The following ME1 variants were observed in gnomAD, a reference collection of about 807,000 sequenced individuals.
ME1 encodes the protein NADP-dependent malic enzyme.
Under a neutral mutation model 66.4 loss-of-function variants are expected in ME1, and 74 were observed. The observed-to-expected ratio is 1.11, with a 90% confidence interval of 0.92 to 1.35. The LOEUF is 1.35. Ranked by LOEUF, ME1 falls within the 40% of genes most tolerant of loss-of-function variation. The pLI, the probability that ME1 is intolerant of heterozygous loss-of-function variation, is 0.00. For missense variants in ME1, 750 were observed against 694.1 expected, an observed-to-expected ratio of 1.08 and a Z score of -0.90; for synonymous variants, 251 against 235.6, an observed-to-expected ratio of 1.07 and a Z score of -0.60.
rs1325948256 is a variant in ME1, at chr6:83,317,686, T to C, written c.601-2273A>G. On this transcript the variant is annotated intron_variant, in intron 5 of 13. Coordinates refer to ENST00000369705, the MANE Select transcript of ME1 (RefSeq NM_002395.6). ...TCTCCTGCCTAATTGCCCTTGCTCA[T>C]GGGTAGGAAGAATCAATATCGTGAA... Among the ~76,000 whole-genome samples, 3 of 152,296 alleles carry C rather than the reference T, an allele frequency of 2.0e-5. No individual in the cohort carries two copies. The East Asian group carries it at 5.8e-4, about 29-fold the overall frequency.
At chr6:83,236,156 T>C (rs190865562) in intron 9 of ME1, among the ~76,000 whole-genome samples, 51 of 152,306 alleles carry the variant, frequency 3.3e-4, no homozygotes, top group African/African-American at 1.2e-3. Context: ...CTATACAATA[T>C]ACTAATGTGG....
chr6:83,383,050 T>C (rs1356192486), intron 3 of ME1, among the ~76,000 whole-genome samples: 1 of 151,926 alleles, frequency 6.6e-6, no homozygotes, highest in African/African-American at 2.4e-5. Context: ...CAGCAGACTG[T>C]CTTCAGACTC....
chr6:83,388,097 T>TTTTTTTTTTTG (rs1354554792), intron 3 of ME1, among the ~76,000 whole-genome samples: 1 of 149,752 alleles, frequency 6.7e-6, no homozygotes, highest in African/African-American at 2.5e-5. Context: ...CTTCCTTTTT[T>TTTTTTTTTTTG]TTTTTGGACA....
At chr6:83,303,867 A>C (rs532416264) in intron 6 of ME1, among the ~76,000 whole-genome samples, 1 of 152,290 alleles carries the variant, frequency 6.6e-6, no homozygotes, top group African/African-American at 2.4e-5. Flanking sequence ...ACAATAAGGA[A>C]TAACAACCTC....
chr6:83,275,764 C>G (rs1163236189), intron 6 of ME1, among the ~76,000 whole-genome samples: 1 of 38,036 alleles, frequency 2.6e-5, no homozygotes, highest in East Asian at 8.5e-4. Flanking sequence ...GGCGCCCGGC[C>G]TTTTTTTTTT....
rs1790248185 is a variant in ME1 at position 83,228,883 on chromosome 6, C to T, written c.1075G>A (p.Glu359Lys). 6.2e-7 allele frequency: 1 copy of T among 1,613,292 alleles called. No individual in the cohort carries two copies. Among genetic ancestry groups the T allele is most frequent in the African/African-American group, 1.3e-5 (1 of 74,798 alleles). ...QEKEKFAHEH[E>K]EMKNLEAIVQ... The stretch of plus-strand genomic sequence containing the variant: ...ATGGCTTCTAGGTTCTTCATTTCTT[C>T]ATGTTCATGGGCAAACTTCTCTTTC... The change falls in exon 10 of 14, where the codon GAA (glutamate) becomes AAA (lysine). Residue 359 changes from glutamate to lysine, a missense_variant. Coordinates refer to ENST00000369705, the MANE Select transcript of ME1 (RefSeq NM_002395.6).
intron 5 of ME1, among the ~76,000 whole-genome samples, chr6:83,316,435 A>G (rs182653257): frequency 1.0e-3 from 159 of 152,288 alleles, no homozygotes; most frequent in Middle Eastern, 3.4e-3. Context: ...AACGCAATAA[A>G]GGACATCTAT....
intron 7 of ME1, among the ~76,000 whole-genome samples, chr6:83,253,274 A>C (rs544380845): frequency 1.3e-5 from 2 of 152,318 alleles, no homozygotes; most frequent in Admixed American, 1.3e-4. Flanking sequence ...GGGGTAAAGC[A>C]TAAAAATTGT....
intron 1 of ME1, among the ~76,000 whole-genome samples, chr6:83,417,366 G>GC (rs1562008711): frequency 1.5e-5 from 2 of 130,716 alleles, no homozygotes; most frequent in African/African-American, 6.1e-5. Context: ...TTTTTTTGTT[G>GC]TTTTTTGTTG....
At chr6:83,421,558 C>T (rs764875738) in intron 1 of ME1, among the ~76,000 whole-genome samples, 25 of 152,118 alleles carry the variant, frequency 1.6e-4, no homozygotes, top group Non-Finnish European at 2.2e-4. Context: ...ACGACAAAAC[C>T]AGATTAAGTT....
chr6:83,334,075 G>A, intron 5 of ME1, among the ~76,000 whole-genome samples: 1 of 152,262 alleles, frequency 6.6e-6, no homozygotes, highest in East Asian at 1.9e-4. Context: ...TCACTAGGGA[G>A]TGCCAGACAG....
chr6:83,228,920 G>C lies in ME1; in HGVS notation c.1038C>G (p.Ser346=), dbSNP rs1298081002. 6.2e-7 allele frequency: 1 copy of C among 1,610,132 alleles called. No homozygotes were observed. Among genetic ancestry groups the C allele is most frequent in the South Asian group, 1.1e-5 (1 of 90,068 alleles). The stretch of plus-strand genomic sequence containing the variant: ...CAAACTTCTCTTTCTCTTGTGTTAA[G>C]GAAGCACGTCCCTAAGTAAAGCCAG... The part of the protein sequence containing the change: ...SKGLIVKGRA[S]LTQEKEKFAH... Residue 346 remains serine, a synonymous_variant, in exon 10 of 14, where the codon TCC becomes TCG. Coordinates refer to ENST00000369705, the MANE Select transcript of ME1 (RefSeq NM_002395.6).
At chr6:83,314,105 C>A (rs1421169397) in intron 6 of ME1, among the ~76,000 whole-genome samples, 1 of 152,128 alleles carries the variant, frequency 6.6e-6, no homozygotes, top group African/African-American at 2.4e-5. Flanking sequence ...TCTGTGGCTA[C>A]ACAGTAACCA....
intron 7 of ME1, among the ~76,000 whole-genome samples, chr6:83,249,359 T>TAAGGGTATGCGCATACCAA (rs1790681390): frequency 1.3e-5 from 2 of 151,970 alleles, no homozygotes; most frequent in South Asian, 4.1e-4. Flanking sequence ...CCCAAGTAGC[T>TAAGGGTATGCGCATACCAA]GGGACTAAGG....
At chr6:83,273,773 T>C (rs755160835) in intron 6 of ME1, among the ~76,000 whole-genome samples, 3 of 152,220 alleles carry the variant, frequency 2.0e-5, no homozygotes, top group Non-Finnish European at 4.4e-5. Context: ...AAATGAACGT[T>C]ATATGACACC....
chr6:83,392,922 A>G, intron 3 of ME1: 2 of 809,408 alleles, frequency 2.5e-6, no homozygotes, highest in South Asian at 2.7e-5. Context: ...CAACTTTGGT[A>G]CCGTGGAAGG....
chr6:83,424,996 TTC>T (rs1770341136), intron 1 of ME1, among the ~76,000 whole-genome samples: 1 of 152,152 alleles, frequency 6.6e-6, no homozygotes, highest in South Asian at 2.1e-4. Context: ...TAAGGTTTTA[TTC>T]TTTTGTTTTG....
At chr6:83,403,906 G>A (rs1052251045) in intron 2 of ME1, among the ~76,000 whole-genome samples, 4 of 152,118 alleles carry the variant, frequency 2.6e-5, no homozygotes, top group Non-Finnish European at 5.9e-5. Flanking sequence ...GTCTATCATT[G>A]ATGGGCATTT....
chr6:83,365,708 G>C (rs921439981), intron 3 of ME1, among the ~76,000 whole-genome samples: 1 of 152,084 alleles, frequency 6.6e-6, no homozygotes, highest in African/African-American at 2.4e-5. Flanking sequence ...TATTTCCCCT[G>C]TCCCTCACTC....
Sources: allele counts gnomAD v4.1 joint callset (sites outside exome capture counted in the v4.1 genomes callset), GRCh38; gene constraint gnomAD v4.1.1; transcripts MANE v1.5; gene names NCBI Gene and HGNC (gene_info 2026-07-23, HGNC 2026-07-21).